PARN: variants seen among roughly 807,000 people sequenced by gnomAD.
The protein encoded by PARN is poly(A)-specific ribonuclease PARN.
Under a neutral mutation model 102.8 loss-of-function variants are expected in PARN, and 71 were observed. The ratio of observed to expected loss-of-function variants is 0.69; its 90% CI spans 0.57 to 0.84. The LOEUF (loss-of-function observed/expected upper bound fraction) is 0.84, where lower values mean the gene tolerates loss of function less well. Among genes scored for constraint, PARN ranks in the 40% least tolerant of loss-of-function variants. The pLI is 0.00. For missense variants in PARN, 782 were observed against 760.9 expected, an observed-to-expected ratio of 1.03 and a Z score of -0.33; for synonymous variants, 261 against 252.9, an observed-to-expected ratio of 1.03 and a Z score of -0.30.
At chr16:14,442,809 T>C (rs1240536139) in intron 23 of PARN, among the ~76,000 whole-genome samples, 1 of 152,210 alleles carries the variant, frequency 6.6e-6, no homozygotes, top group Non-Finnish European at 1.5e-5. Flanking sequence ...GGTTTCGCCA[T>C]GTTGGCCAGG....
At chr16:14,458,040 AT>A (rs1332249888) in intron 22 of PARN, among the ~76,000 whole-genome samples, 6 of 152,048 alleles carry the variant, frequency 3.9e-5, no homozygotes, top group African/African-American at 1.4e-4. Flanking sequence ...TAAGAAAAAA[AT>A]TAGTTCAACA....
At chr16:14,437,897 C>T (rs1453471871) in intron 23 of PARN, among the ~76,000 whole-genome samples, 3 of 152,102 alleles carry the variant, frequency 2.0e-5, no homozygotes, top group African/African-American at 4.8e-5. Context: ...GGTCTGAACA[C>T]AAGAAAAAAC....
chr16:14,509,153 A>T (rs561392073), intron 21 of PARN, among the ~76,000 whole-genome samples: 2 of 152,278 alleles, frequency 1.3e-5, no homozygotes, highest in South Asian at 4.1e-4. Context: ...AGTAGGTAAG[A>T]TGTTTTTGGC....
At chr16:14,497,330 A>G (rs1270739704) in intron 21 of PARN, among the ~76,000 whole-genome samples, 1 of 152,214 alleles carries the variant, frequency 6.6e-6, no homozygotes, top group African/African-American at 2.4e-5. Flanking sequence ...AATCAACAAA[A>G]GAACGTTTAG....
intron 11 of PARN, among the ~76,000 whole-genome samples, chr16:14,603,567 T>C (rs1315809240): frequency 6.6e-6 from 1 of 152,018 alleles, no homozygotes; most frequent in Non-Finnish European, 1.5e-5. Flanking sequence ...CCACATTCAG[T>C]CATAAATTCC....
intron 21 of PARN, among the ~76,000 whole-genome samples, chr16:14,515,301 C>T (rs911195085): frequency 4.6e-5 from 7 of 152,034 alleles, no homozygotes; most frequent in Non-Finnish European, 8.8e-5. Context: ...ACAGATGTCC[C>T]GAATATAAAC....
At chr16:14,551,436 T>C (rs547305199) in intron 21 of PARN, among the ~76,000 whole-genome samples, 1 of 151,680 alleles carries the variant, frequency 6.6e-6, no homozygotes, top group Admixed American at 6.6e-5. Context: ...GGGTATCATG[T>C]TGCGCGCCTG....
intron 17 of PARN, 21 bp from the exon 18 acceptor site, chr16:14,580,964 G>C (rs374213871): frequency 4.0e-6 from 6 of 1,516,460 alleles, no homozygotes; most frequent in Non-Finnish European, 5.5e-6. Flanking sequence ...AAAGAAGAGA[G>C]GTATTATTAT....
chr16:14,604,228 TA>T lies in PARN; in HGVS notation c.703-3del. On this transcript the variant is annotated splice_region_variant and splice_polypyrimidine_tract_variant and intron_variant, in intron 10 of 23. Coordinates refer to ENST00000437198, the MANE Select transcript of PARN (RefSeq NM_002582.4). ...GCTGATAACTATATATCGCTCCTTC[TA>T]AAAGACATAAAGCAGATATACAATT... The T allele has an allele frequency of 6.5e-7, 1 of 1,540,280 alleles. No homozygotes were observed. The highest frequency in any genetic ancestry group is 8.9e-7 in the Non-Finnish European group (1 of 1,125,986).
chr16:14,584,495 C>CT (rs1969724845), intron 15 of PARN, 73 bp from the exon 16 acceptor site: 1 of 1,213,538 alleles, frequency 8.2e-7, no homozygotes, highest in South Asian at 1.3e-5. Context: ...TTCACTGACC[C>CT]CCCCAAAAAA....
intron 21 of PARN, among the ~76,000 whole-genome samples, chr16:14,508,824 C>T (rs993124144): frequency 6.6e-6 from 1 of 151,150 alleles, no homozygotes; most frequent in Admixed American, 6.6e-5. Flanking sequence ...CTTTGAGAGG[C>T]TGATGTGGGA....
intron 6 of PARN, among the ~76,000 whole-genome samples, chr16:14,613,415 A>G (rs906978656): frequency 2.0e-5 from 3 of 152,036 alleles, no homozygotes; most frequent in Non-Finnish European, 2.9e-5. Context: ...TAAGATCAAG[A>G]GTTTAAGACC....
Position 14,545,863 on chromosome 16 carries a change from A to G in PARN, c.1480+6158T>C, listed in dbSNP as rs192432207. 1.0e-3 allele frequency among the ~76,000 whole-genome samples: 154 copies of G among 152,358 alleles called. 1 individual carries two copies. Among genetic ancestry groups the G allele is most frequent in the African/African-American group, 3.4e-3 (141 of 41,584 alleles). On this transcript the variant is annotated intron_variant, in intron 21 of 23. Transcript: ENST00000437198. ...GACGCCAGGCTTAAATTTTTTAAAA[A>G]GAATTTAGAAAAAAGAAGAAAAGAA...
chr16:14,604,866 T>C (rs1971089940), intron 10 of PARN, among the ~76,000 whole-genome samples: 1 of 152,086 alleles, frequency 6.6e-6, no homozygotes, highest in Admixed American at 6.6e-5. Flanking sequence ...TCTGCCCACC[T>C]TGGCATCCCA....
chr16:14,606,479 G>A lies in PARN; in HGVS notation c.702+5C>T, dbSNP rs368739970. 25 of 1,545,308 alleles carry A rather than the reference G, an allele frequency of 1.6e-5. No homozygotes were observed. In the African/African-American group the frequency reaches 2.7e-4, roughly 17 times the overall value. On this transcript the variant is annotated splice_donor_5th_base_variant and intron_variant, in intron 10 of 23. Transcript: ENST00000437198. ...ATGTTAGCCCTAGATAATTCTTGGG[G>A]TTACCTTTTCAGTTTCTAAAGTCTC...
At chr16:14,591,508 G>A (rs571660812) in intron 13 of PARN, among the ~76,000 whole-genome samples, 15 of 152,078 alleles carry the variant, frequency 9.9e-5, no homozygotes, top group Non-Finnish European at 1.6e-4. Flanking sequence ...ATTGCAACAC[G>A]GCTATGCCAA....
chr16:14,571,062 A>G (rs1203174151), intron 18 of PARN, among the ~76,000 whole-genome samples: 1 of 152,066 alleles, frequency 6.6e-6, no homozygotes, highest in Non-Finnish European at 1.5e-5. Context: ...CACTTAGAAG[A>G]TATATTTCTT....
chr16:14,492,033 C>T (rs1242451920), intron 21 of PARN, among the ~76,000 whole-genome samples: 1 of 152,242 alleles, frequency 6.6e-6, no homozygotes, highest in East Asian at 1.9e-4. Context: ...TCACTGATAG[C>T]AGAGGCTAAC....
At chr16:14,617,544 T>C (rs1206840776) in intron 6 of PARN, 46 bp downstream of exon 6, 1 of 925,922 alleles carries the variant, frequency 1.1e-6, no homozygotes. Flanking sequence ...CCCAAGGATA[T>C]TTTGAAGGTT....
Sources: gnomAD v4.1 joint callset for allele counts (sites outside exome capture counted in the v4.1 genomes callset) on GRCh38, gnomAD v4.1.1 for gene constraint, MANE v1.5 for transcripts, NCBI Gene and HGNC (gene_info 2026-07-23, HGNC 2026-07-21) for gene names.